Variants in RIT2 observed in about 807,000 individuals in gnomAD.
RIT2 encodes the protein Ras like without CAAX 2, also known as GTP-binding protein Rit2.
RIT2 carries 24 observed loss-of-function variants against 23.7 expected under a neutral mutation model. The ratio of observed to expected loss-of-function variants is 1.01; its 90% confidence interval spans 0.73 to 1.43. The LOEUF (loss-of-function observed/expected upper bound fraction) is 1.43. Ranked by LOEUF, RIT2 falls within the 40% of genes most tolerant of loss-of-function variation. The pLI is 0.00. For synonymous variants in RIT2, 107 were observed against 91.1 expected (o/e 1.17, Z -0.99); for missense variants, 236 against 266.9 (o/e 0.88, Z 0.81).
chr18:42,886,018 GTAT>G (rs1908014233), intron 4 of RIT2, among the ~76,000 whole-genome samples: 2 of 152,110 alleles, frequency 1.3e-5, no homozygotes, highest in Admixed American at 6.6e-5. Flanking sequence ...ATGTGTGATT[GTAT>G]TAATTCAGCA....
chr18:42,927,404 G>A (rs1255335822), intron 3 of RIT2, among the ~76,000 whole-genome samples: 3 of 135,904 alleles, frequency 2.2e-5, no homozygotes, highest in Non-Finnish European at 4.9e-5. Context: ...GTGTGTGTGT[G>A]TATGTTTTAC....
At chr18:43,003,696 T>C (rs1445886504) in intron 2 of RIT2, among the ~76,000 whole-genome samples, 1 of 151,570 alleles carries the variant, frequency 6.6e-6, no homozygotes, top group Non-Finnish European at 1.5e-5. Context: ...GTAAAACTTT[T>C]GTCTTTCTGA....
At chr18:42,836,867 A>G (rs140009828) in intron 4 of RIT2, among the ~76,000 whole-genome samples, 1 of 152,142 alleles carries the variant, frequency 6.6e-6, no homozygotes, top group African/African-American at 2.4e-5. Flanking sequence ...CCTTTCCCCA[A>G]TACAAAGACT....
chr18:42,775,651 C>T lies in RIT2; in HGVS notation c.427-31931G>A, dbSNP rs113147799. On this transcript the variant is annotated intron_variant, in intron 4 of 4. Coordinates refer to ENST00000326695, the MANE Select transcript of RIT2 (RefSeq NM_002930.4). The stretch of plus-strand genomic sequence containing the variant: ...GGCGGAGCTTGCAGTGAGCCTAGAT[C>T]GCGCCACTGCACTCCAGCCTGGGCG... Among the ~76,000 whole-genome samples the T allele has an allele frequency of 8.0e-3, 1,213 of 151,798 alleles. 10 individuals are homozygous for T. The highest frequency in any genetic ancestry group is 0.028 in the African/African-American group (1,153 of 41,362).
intron 4 of RIT2, among the ~76,000 whole-genome samples, chr18:42,851,465 C>G (rs1220701459): frequency 6.6e-6 from 1 of 152,168 alleles, no homozygotes; most frequent in East Asian, 1.9e-4. Context: ...TCAATGTTGC[C>G]TATCACATCT....
intron 4 of RIT2, among the ~76,000 whole-genome samples, chr18:42,831,656 C>A (rs1906462166): frequency 6.6e-6 from 1 of 152,082 alleles, no homozygotes; most frequent in South Asian, 2.1e-4. Context: ...GCAGGAAGAA[C>A]TGTAATGAGG....
chr18:42,802,562 A>G (rs1171889663), intron 4 of RIT2, among the ~76,000 whole-genome samples: 1 of 152,208 alleles, frequency 6.6e-6, no homozygotes, highest in East Asian at 1.9e-4. Context: ...TGACAAGATA[A>G]AAAATGAAAA....
At chr18:42,766,699 C>T (rs558744282) in intron 4 of RIT2, among the ~76,000 whole-genome samples, 2 of 152,196 alleles carry the variant, frequency 1.3e-5, no homozygotes, top group Non-Finnish European at 2.9e-5. Context: ...CAGGCCATGT[C>T]AGAGACCTTC....
At chr18:42,896,136 C>T (rs1317022280) in intron 4 of RIT2, among the ~76,000 whole-genome samples, 3 of 152,080 alleles carry the variant, frequency 2.0e-5, no homozygotes, top group Non-Finnish European at 4.4e-5. Flanking sequence ...TGGTGGCAAG[C>T]GCCTGTAATC....
At chr18:42,812,895 C>A (rs1474781122) in intron 4 of RIT2, among the ~76,000 whole-genome samples, 4 of 152,086 alleles carry the variant, frequency 2.6e-5, no homozygotes, top group African/African-American at 7.2e-5. Context: ...TTTTGTAAAC[C>A]TTTCAGCCTG....
intron 3 of RIT2, among the ~76,000 whole-genome samples, chr18:42,940,956 A>C (rs1909587417): frequency 6.6e-6 from 1 of 152,116 alleles, no homozygotes; most frequent in Non-Finnish European, 1.5e-5. Context: ...GATAGTATAA[A>C]CAAAGGTCCC....
At chr18:42,748,861 C>CT (rs1335945792) in intron 4 of RIT2, among the ~76,000 whole-genome samples, 1 of 151,760 alleles carries the variant, frequency 6.6e-6, no homozygotes, top group Non-Finnish European at 1.5e-5. Flanking sequence ...CACAAGAAAA[C>CT]TTTTTCATGC....
intron 1 of RIT2, among the ~76,000 whole-genome samples, chr18:43,096,328 C>A (rs1459618037): frequency 1.3e-5 from 2 of 151,774 alleles, no homozygotes; most frequent in Non-Finnish European, 2.9e-5. Flanking sequence ...TGGAAACTAT[C>A]GTCTTCCTTG....
chr18:43,101,012 T>G (rs1421608996), intron 1 of RIT2, among the ~76,000 whole-genome samples: 1 of 151,944 alleles, frequency 6.6e-6, no homozygotes, highest in Non-Finnish European at 1.5e-5. Context: ...CATAAATATG[T>G]GCACATATAT....
intron 4 of RIT2, among the ~76,000 whole-genome samples, chr18:42,785,049 AATAAT>A (rs1913893284): frequency 6.6e-6 from 1 of 152,056 alleles, no homozygotes. Context: ...GCATTTGTTA[AATAAT>A]ATATTAATTC....
chr18:42,795,449 G>C (rs543710671), intron 4 of RIT2, among the ~76,000 whole-genome samples: 1 of 152,180 alleles, frequency 6.6e-6, no homozygotes, highest in Non-Finnish European at 1.5e-5. Flanking sequence ...ATTTCTCACC[G>C]GGACTTAGCT....
At position 43,059,103 on chromosome 18, in the gene RIT2, A is replaced by AT. The variant is rs111818066; in HGVS notation, c.104-25237dup. On this transcript the variant is annotated intron_variant, in intron 1 of 4. Transcript: ENST00000326695. ...AAATATGTAAATACATTTCCTCTAT[A>AT]TTTTTTTTTTCCAAAGAGGAATGAC... Among the ~76,000 whole-genome samples the AT allele has an allele frequency of 2.3e-4, 35 of 150,028 alleles. No homozygotes were observed. In the South Asian group the frequency reaches 4.5e-3, roughly 19 times the overall value.
At chr18:43,049,288 G>A (rs1223925155) in intron 1 of RIT2, among the ~76,000 whole-genome samples, 2 of 152,182 alleles carry the variant, frequency 1.3e-5, no homozygotes, top group African/African-American at 4.8e-5. Flanking sequence ...GAGCAACAGT[G>A]TCAGTGGAGC....
At chr18:42,763,360 G>T (rs1053479720) in intron 4 of RIT2, among the ~76,000 whole-genome samples, 7 of 151,940 alleles carry the variant, frequency 4.6e-5, no homozygotes, top group Non-Finnish European at 8.8e-5. Flanking sequence ...TACTCAGGAG[G>T]CTGAGGCAGG....
Sources: gnomAD v4.1 joint callset for allele counts (sites outside exome capture counted in the v4.1 genomes callset) on GRCh38, gnomAD v4.1.1 for gene constraint, MANE v1.5 for transcripts, NCBI Gene and HGNC (gene_info 2026-07-23, HGNC 2026-07-21) for gene names.